Variants in THSD7B observed in about 807,000 individuals in gnomAD.
THSD7B encodes the protein thrombospondin type 1 domain containing 7B.
Under a neutral mutation model 213.6 loss-of-function variants are expected in THSD7B, and 138 were observed. The ratio of observed to expected loss-of-function variants is 0.65; its 90% CI spans 0.56 to 0.74. THSD7B has a LOEUF of 0.74. Among genes scored for constraint, THSD7B ranks in the 30% least tolerant of loss-of-function variants. The pLI is 0.00. For synonymous variants in THSD7B, 742 were observed against 687.0 expected, an observed-to-expected ratio of 1.08 and a Z score of -1.25; for missense variants, 1,931 against 1,991.5, an observed-to-expected ratio of 0.97 and a Z score of 0.58.
At chr2:136,897,590 C>A (rs1241038585) in intron 2 of THSD7B, among the ~76,000 whole-genome samples, 1 of 152,198 alleles carries the variant, frequency 6.6e-6, no homozygotes, top group Non-Finnish European at 1.5e-5. Flanking sequence ...AAGAACAAAG[C>A]TTCCACAGTG....
chr2:137,459,876 C>T lies in THSD7B; in HGVS notation c.3138+8853C>T, dbSNP rs75613310. ...AGTACACTTAGAGTGGATTAAGGAA[C>T]GTGTATTTGTTAAAACAAAAATGGT... On this transcript the variant is annotated intron_variant, in intron 15 of 27. Transcript: ENST00000409968. Among the ~76,000 whole-genome samples, 436 of 152,134 alleles carry T rather than the reference C, an allele frequency of 2.9e-3. 20 individuals carry two copies. The East Asian group carries it at 0.077, about 27-fold the overall frequency.
intron 27 of THSD7B, among the ~76,000 whole-genome samples, chr2:137,670,960 T>C (rs1355785640): frequency 2.7e-5 from 4 of 150,904 alleles, no homozygotes; most frequent in South Asian, 4.2e-4. Context: ...AATGCTTGTC[T>C]TCTCTAATTT....
At chr2:137,550,944 T>A (rs565573264) in intron 15 of THSD7B, among the ~76,000 whole-genome samples, 1 of 151,886 alleles carries the variant, frequency 6.6e-6, no homozygotes, top group East Asian at 1.9e-4. Flanking sequence ...GAGTTATGAG[T>A]TTACCTATAT....
At chr2:136,819,646 G>A (rs1443992443) in intron 1 of THSD7B, among the ~76,000 whole-genome samples, 1 of 152,080 alleles carries the variant, frequency 6.6e-6, no homozygotes, top group African/African-American at 2.4e-5. Context: ...GGAAGGAATT[G>A]GGGGCAAGAG....
At chr2:136,831,890 C>T (rs192930481) in intron 1 of THSD7B, among the ~76,000 whole-genome samples, 36 of 152,210 alleles carry the variant, frequency 2.4e-4, no homozygotes, top group African/African-American at 7.7e-4. Flanking sequence ...TCTGTATGGG[C>T]CTTTTCTATG....
chr2:137,216,806 C>T (rs1342534248), intron 7 of THSD7B, among the ~76,000 whole-genome samples: 1 of 152,168 alleles, frequency 6.6e-6, no homozygotes, highest in Non-Finnish European at 1.5e-5. Flanking sequence ...TCTGTAAGCA[C>T]AGTGATACAT....
intron 1 of THSD7B, among the ~76,000 whole-genome samples, chr2:136,815,284 C>T (rs1682451363): frequency 6.6e-6 from 1 of 152,150 alleles, no homozygotes; most frequent in South Asian, 2.1e-4. Flanking sequence ...AAAGAATTGA[C>T]TTGAGTAGGT....
At chr2:136,922,243 G>A (rs1055916441) in intron 2 of THSD7B, among the ~76,000 whole-genome samples, 7 of 152,100 alleles carry the variant, frequency 4.6e-5, no homozygotes, top group Non-Finnish European at 1.0e-4. Context: ...CAACCAGAGG[G>A]CATTTATGTC....
At chr2:137,516,152 G>A (rs1408189313) in intron 15 of THSD7B, among the ~76,000 whole-genome samples, 1 of 152,222 alleles carries the variant, frequency 6.6e-6, no homozygotes, top group South Asian at 2.1e-4. Flanking sequence ...AGTTAGAATA[G>A]TCTGACTTGT....
At chr2:137,029,746 T>C (rs1243560493) in intron 2 of THSD7B, among the ~76,000 whole-genome samples, 1 of 152,172 alleles carries the variant, frequency 6.6e-6, no homozygotes, top group Non-Finnish European at 1.5e-5. Context: ...GGGTTCATTG[T>C]TTATCTACAA....
Position 137,007,551 on chromosome 2 carries a change from G to T in THSD7B, c.140-48869G>T, listed in dbSNP as rs139561183. 8.4e-4 allele frequency among the ~76,000 whole-genome samples: 128 copies of T among 152,252 alleles called. 2 individuals carry two copies. The East Asian group carries it at 0.023, about 28-fold the overall frequency. ...AGAAAGTACAAGCTGATGGAAGATG[G>T]CTTGTAAAATTTGAATTGGTGAGTG... On this transcript the variant is annotated intron_variant, in intron 2 of 27. Transcript: ENST00000409968.
intron 15 of THSD7B, among the ~76,000 whole-genome samples, chr2:137,478,018 T>G (rs1271857794): frequency 6.6e-6 from 1 of 152,124 alleles, no homozygotes; most frequent in Non-Finnish European, 1.5e-5. Context: ...TAGAATTCTC[T>G]TTTTCTTTTT....
intron 12 of THSD7B, among the ~76,000 whole-genome samples, chr2:137,291,482 C>T (rs1227128857): frequency 6.6e-6 from 1 of 151,954 alleles, no homozygotes; most frequent in Admixed American, 6.6e-5. Context: ...ATCCATGTGC[C>T]CATTATTGGA....
chr2:137,375,108 C>G (rs1685623503), intron 12 of THSD7B, among the ~76,000 whole-genome samples: 1 of 152,044 alleles, frequency 6.6e-6, no homozygotes, highest in African/African-American at 2.4e-5. Context: ...TCCGGGTGGC[C>G]AGTACTACCT....
chr2:136,897,311 G>C (rs375933972), intron 2 of THSD7B, among the ~76,000 whole-genome samples: 1 of 152,142 alleles, frequency 6.6e-6, no homozygotes, highest in Admixed American at 6.5e-5. Flanking sequence ...TCCAGAGTTT[G>C]TTCCTTCAGA....
intron 2 of THSD7B, among the ~76,000 whole-genome samples, chr2:136,954,496 C>G (rs1685090249): frequency 6.6e-6 from 1 of 152,010 alleles, no homozygotes; most frequent in South Asian, 2.1e-4. Context: ...GCGGGCGGAT[C>G]TTGAGGTCAG....
chr2:137,359,133 T>C (rs975074536), intron 12 of THSD7B, among the ~76,000 whole-genome samples: 4 of 152,216 alleles, frequency 2.6e-5, no homozygotes, highest in African/African-American at 9.6e-5. Flanking sequence ...TGGCTTTTAG[T>C]CCAAGGAAGG....
At chr2:136,816,277 G>A (rs1682472142) in intron 1 of THSD7B, among the ~76,000 whole-genome samples, 1 of 152,168 alleles carries the variant, frequency 6.6e-6, no homozygotes, top group African/African-American at 2.4e-5. Context: ...ATTACGTAAA[G>A]GAGTCCTTAC....
At chr2:137,163,578 G>A (rs1483419909) in intron 6 of THSD7B, among the ~76,000 whole-genome samples, 1 of 152,166 alleles carries the variant, frequency 6.6e-6, no homozygotes, top group African/African-American at 2.4e-5. Context: ...CTAGGAGAGA[G>A]GCATGGCACA....
Sources: allele counts gnomAD v4.1 joint callset (sites outside exome capture counted in the v4.1 genomes callset), GRCh38; gene constraint gnomAD v4.1.1; transcripts MANE v1.5; gene names NCBI Gene and HGNC (gene_info 2026-07-23, HGNC 2026-07-21).